The following FGF13 variants were observed in gnomAD, a reference collection of about 807,000 sequenced individuals.
FGF13 encodes the protein fibroblast growth factor homologous factor 2.
Under a neutral mutation model 19.5 loss-of-function variants are expected in FGF13, and 2 were observed. That is an observed-to-expected ratio of 0.10 (90% CI 0.04 to 0.32). The LOEUF (loss-of-function observed/expected upper bound fraction) is 0.32, where lower values mean the gene tolerates loss of function less well. Ranked by LOEUF, FGF13 falls within the 10% of genes least tolerant of loss-of-function variation. FGF13 has a pLI of 1.00. For missense variants in FGF13, 113 were observed against 192.7 expected (o/e 0.59, Z 2.45); for synonymous variants, 72 against 76.9 (o/e 0.94, Z 0.33).
At chrX:138,844,331 G>T (rs1445859766) in intron 3 of FGF13, among the ~76,000 whole-genome samples, 1 of 111,992 alleles carries the variant, frequency 8.9e-6, no homozygotes, top group African/African-American at 3.2e-5. Flanking sequence ...AATTGGTCTT[G>T]CCAAAGCCTT....
chrX:138,912,071 A>G (rs773107719), intron 1 of FGF13, among the ~76,000 whole-genome samples: 4 of 111,226 alleles, frequency 3.6e-5, no homozygotes, highest in African/African-American at 1.3e-4. Flanking sequence ...AAATGTTTGG[A>G]GTTGAAATAA....
intron 3 of FGF13, among the ~76,000 whole-genome samples, chrX:138,811,794 G>A (rs2090927493): frequency 9.1e-6 from 1 of 109,913 alleles, no homozygotes; most frequent in South Asian, 3.9e-4. Context: ...TATTTCCTAT[G>A]TTAGTAAATG....
At chrX:138,643,752 C>A (rs1163352431) in intron 3 of FGF13, among the ~76,000 whole-genome samples, 1 of 111,393 alleles carries the variant, frequency 9.0e-6, no homozygotes, top group Non-Finnish European at 1.9e-5. Flanking sequence ...AGGTGAATAA[C>A]CCCCTAAAAA....
chrX:138,720,887 C>T (rs1041283860), intron 1 of FGF13, among the ~76,000 whole-genome samples: 1 of 111,957 alleles, frequency 8.9e-6, no homozygotes, highest in African/African-American at 3.2e-5. Flanking sequence ...ATATCACTAC[C>T]CTTTGAACAT....
intron 3 of FGF13, among the ~76,000 whole-genome samples, chrX:138,840,184 A>G (rs1041475680): frequency 1.8e-5 from 2 of 111,960 alleles, no homozygotes; most frequent in Non-Finnish European, 3.8e-5. Context: ...AAATTCCTCC[A>G]TTATCTAAAC....
At chrX:139,048,853 C>A (rs1233068774) in intron 1 of FGF13, among the ~76,000 whole-genome samples, 1 of 110,838 alleles carries the variant, frequency 9.0e-6, no homozygotes, top group African/African-American at 3.3e-5. Context: ...GTACTGTATG[C>A]AAATAATAAT....
At chrX:139,104,485 T>G (rs1321383712) in intron 1 of FGF13, among the ~76,000 whole-genome samples, 11 of 111,389 alleles carry the variant, frequency 9.9e-5, no homozygotes, top group Non-Finnish European at 2.1e-4. Context: ...ACTCTGCCTT[T>G]ACTCAGGCTT....
At chrX:139,153,431 C>G (rs1373096275) in intron 1 of FGF13, among the ~76,000 whole-genome samples, 2 of 110,522 alleles carry the variant, frequency 1.8e-5, no homozygotes, top group Non-Finnish European at 3.8e-5. Flanking sequence ...AGATTTCTGA[C>G]CTTAGCCAAA....
At chrX:138,900,064 TA>T (rs2091524260) in intron 1 of FGF13, among the ~76,000 whole-genome samples, 2 of 111,713 alleles carry the variant, frequency 1.8e-5, no homozygotes, top group Non-Finnish European at 3.8e-5. Flanking sequence ...GAATTAAAGC[TA>T]AAAATGATGA....
intron 1 of FGF13, among the ~76,000 whole-genome samples, chrX:139,081,976 C>A (rs2083373902): frequency 9.0e-6 from 1 of 111,569 alleles, no homozygotes; most frequent in African/African-American, 3.3e-5. Context: ...ACATCAATCT[C>A]CTGCTCAAAA....
At chrX:138,941,011 A>G (rs1263899507) in intron 1 of FGF13, among the ~76,000 whole-genome samples, 1 of 111,517 alleles carries the variant, frequency 9.0e-6, no homozygotes, top group Admixed American at 9.6e-5. Context: ...AAAATTTAAC[A>G]TCTCTTCATG....
chrX:139,062,730 T>G (rs955421562), intron 1 of FGF13, among the ~76,000 whole-genome samples: 3 of 111,912 alleles, frequency 2.7e-5, no homozygotes, highest in Non-Finnish European at 3.8e-5. Context: ...TCAATGGGAC[T>G]GGTTTTTAAA....
At chrX:138,913,897 A>T (rs2091605067) in intron 1 of FGF13, among the ~76,000 whole-genome samples, 1 of 110,213 alleles carries the variant, frequency 9.1e-6, no homozygotes, top group Admixed American at 9.6e-5. Flanking sequence ...TTACATCCAG[A>T]CCAACCCTCA....
chrX:139,109,602 A>G (rs2083586824), intron 1 of FGF13, among the ~76,000 whole-genome samples: 1 of 111,484 alleles, frequency 9.0e-6, no homozygotes, highest in Admixed American at 9.6e-5. Context: ...CAGCGGAGCG[A>G]CCACAGACCA....
Position 138,859,163 on chromosome X carries a change from G to A in FGF13, c.-38-1484C>T, listed in dbSNP as rs138262379. ...TGCGACTATAACTTCTTAGAATCTCGTTGTTGAATGCACATCTTTGCTAGC... is the reference window on the plus strand; with the variant it reads ...TGCGACTATAACTTCTTAGAATCTCATTGTTGAATGCACATCTTTGCTAGC... On this transcript the variant is annotated intron_variant, in intron 2 of 2. Transcript: ENST00000421460. Among the ~76,000 whole-genome samples, 1,041 of 111,966 alleles carry A rather than the reference G, an allele frequency of 9.3e-3. 11 individuals carry two copies. The highest frequency in any genetic ancestry group is 0.032 in the African/African-American group (995 of 30,833).
chrX:138,769,108 C>T (rs1411513704), intron 3 of FGF13, among the ~76,000 whole-genome samples: 1 of 111,448 alleles, frequency 9.0e-6, no homozygotes, highest in African/African-American at 3.3e-5. Context: ...AGCAATGATA[C>T]ATAACTGATC....
At chrX:138,974,094 T>C (rs1019453422) in intron 1 of FGF13, among the ~76,000 whole-genome samples, 2 of 111,801 alleles carry the variant, frequency 1.8e-5, no homozygotes, top group African/African-American at 6.5e-5. Context: ...GACATAACCA[T>C]GCCCTTGGAC....
At chrX:139,163,694 T>C (rs1344920146) in intron 1 of FGF13, among the ~76,000 whole-genome samples, 2 of 111,074 alleles carry the variant, frequency 1.8e-5, no homozygotes, top group Non-Finnish European at 3.8e-5. Context: ...TTATAATAAC[T>C]ACTACTACTA....
At chrX:138,919,046 TG>T (rs1445758817) in intron 1 of FGF13, among the ~76,000 whole-genome samples, 3 of 110,979 alleles carry the variant, frequency 2.7e-5, no homozygotes, top group Non-Finnish European at 5.7e-5. Flanking sequence ...GGCTTACCTA[TG>T]GAAAAAAATG....
Sources: allele counts gnomAD v4.1 joint callset (sites outside exome capture counted in the v4.1 genomes callset), GRCh38; gene constraint gnomAD v4.1.1; transcripts MANE v1.5; gene names NCBI Gene and HGNC (gene_info 2026-07-23, HGNC 2026-07-21).